GIPC2: variants seen among roughly 807,000 people sequenced by gnomAD.
GIPC2 encodes GIPC PDZ domain containing family member 2.
Under a neutral mutation model 30.6 loss-of-function variants are expected in GIPC2, and 30 were observed. The observed-to-expected ratio is 0.98, with a 90% confidence interval of 0.73 to 1.33. The LOEUF is 1.33. Ranked by LOEUF, GIPC2 falls within the 40% of genes most tolerant of loss-of-function variation. The pLI, the probability that GIPC2 is intolerant of heterozygous loss-of-function variation, is 0.00. For synonymous variants in GIPC2, 167 were observed against 150.0 expected, an observed-to-expected ratio of 1.11 and a Z score of -0.83; for missense variants, 414 against 390.3, an observed-to-expected ratio of 1.06 and a Z score of -0.51.
At chr1:78,083,391 C>G (rs971867660) in intron 2 of GIPC2, among the ~76,000 whole-genome samples, 1 of 152,158 alleles carries the variant, frequency 6.6e-6, no homozygotes, top group Non-Finnish European at 1.5e-5. Context: ...GTACATGAAA[C>G]TGGTTTGTCT....
At chr1:78,091,658 G>A in intron 2 of GIPC2, 1 of 772,516 alleles carries the variant, frequency 1.3e-6, no homozygotes. Context: ...ATGGCATATG[G>A]ATCTTATTCA....
intron 2 of GIPC2, chr1:78,091,421 C>T (rs1450410895): frequency 5.4e-6 from 3 of 553,990 alleles, no homozygotes; most frequent in Non-Finnish European, 9.8e-6. Context: ...ATAAGGCGGC[C>T]GCAGGGGCGG....
At chr1:78,130,116 T>C (rs1472775056) in intron 5 of GIPC2, among the ~76,000 whole-genome samples, 1 of 140,578 alleles carries the variant, frequency 7.1e-6, no homozygotes, top group East Asian at 3.6e-4. Flanking sequence ...TTTTTTTTTT[T>C]TTTTTCAGAC....
intron 4 of GIPC2, among the ~76,000 whole-genome samples, chr1:78,120,220 G>T (rs183805661): frequency 6.6e-6 from 1 of 152,140 alleles, no homozygotes; most frequent in Non-Finnish European, 1.5e-5. Context: ...ACCGAACTCC[G>T]TATTTCTTCT....
intron 1 of GIPC2, among the ~76,000 whole-genome samples, chr1:78,080,220 A>G (rs1231088883): frequency 2.6e-5 from 4 of 152,226 alleles, no homozygotes; most frequent in African/African-American, 9.7e-5. Flanking sequence ...CTTTGGGACT[A>G]TAACCTTTGA....
At chr1:78,074,195 T>G (rs1661671960) in intron 1 of GIPC2, among the ~76,000 whole-genome samples, 1 of 152,156 alleles carries the variant, frequency 6.6e-6, no homozygotes. Context: ...CCAGTAATAA[T>G]AATAAAAACC....
intron 1 of GIPC2, among the ~76,000 whole-genome samples, chr1:78,063,507 A>AC (rs1002289759): frequency 2.1e-4 from 32 of 151,464 alleles, no homozygotes; most frequent in East Asian, 7.8e-4. Flanking sequence ...AAACAAACAA[A>AC]AAAAAAACCA....
At chr1:78,090,028 G>A (rs943476622) in intron 2 of GIPC2, among the ~76,000 whole-genome samples, 5 of 151,618 alleles carry the variant, frequency 3.3e-5, no homozygotes, top group South Asian at 4.2e-4. Context: ...ATTTTTTTCC[G>A]AACCATTCAA....
intron 4 of GIPC2, among the ~76,000 whole-genome samples, chr1:78,123,079 A>G (rs1274679861): frequency 6.6e-6 from 1 of 151,906 alleles, no homozygotes; most frequent in African/African-American, 2.4e-5. Context: ...GGCCAATGTG[A>G]TGAAACCCCA....
intron 1 of GIPC2, among the ~76,000 whole-genome samples, chr1:78,046,633 C>T (rs904068911): frequency 1.3e-5 from 2 of 152,088 alleles, no homozygotes; most frequent in Non-Finnish European, 2.9e-5. Context: ...CCAGATGTCC[C>T]GGATTCCGCC....
chr1:78,100,522 G>C (rs1348010741), intron 3 of GIPC2, among the ~76,000 whole-genome samples: 1 of 152,170 alleles, frequency 6.6e-6, no homozygotes, highest in Non-Finnish European at 1.5e-5. Flanking sequence ...CATTCTTTGA[G>C]ATGAGGAAAG....
intron 1 of GIPC2, among the ~76,000 whole-genome samples, chr1:78,068,267 T>A (rs1302506844): frequency 6.6e-6 from 1 of 152,244 alleles, no homozygotes; most frequent in African/African-American, 2.4e-5. Context: ...TTAGAGTTAA[T>A]ATCCAACTCT....
intron 5 of GIPC2, among the ~76,000 whole-genome samples, chr1:78,132,665 A>ATGTGTGTGTGTGTGTGTGTGTGTGTG (rs61463492): frequency 3.5e-5 from 5 of 142,608 alleles, no homozygotes; most frequent in Non-Finnish European, 1.5e-5. Context: ...ATAGCCAAGG[A>ATGTGTGTGTGTGTGTGTGTGTGTGTG]TGTGTGTGTG....
At chr1:78,072,342 A>G (rs1042332055) in intron 1 of GIPC2, among the ~76,000 whole-genome samples, 18 of 152,296 alleles carry the variant, frequency 1.2e-4, no homozygotes, top group Non-Finnish European at 2.6e-4. Context: ...CAAATAAGAG[A>G]GATGAGCAGT....
chr1:78,065,710 A>G (rs2102644751), intron 1 of GIPC2, among the ~76,000 whole-genome samples: 1 of 152,312 alleles, frequency 6.6e-6, no homozygotes, highest in East Asian at 1.9e-4. Flanking sequence ...TATATAGACC[A>G]ATGGAACAAA....
At chr1:78,091,357 A>G (rs1179877325) in intron 2 of GIPC2, 1 of 478,274 alleles carries the variant, frequency 2.1e-6, no homozygotes, top group East Asian at 4.0e-5. Flanking sequence ...GATCATGGCG[A>G]CTGGACATGT....
intron 2 of GIPC2, among the ~76,000 whole-genome samples, chr1:78,086,753 C>T (rs771136243): frequency 2.0e-5 from 3 of 152,130 alleles, no homozygotes; most frequent in Non-Finnish European, 4.4e-5. Flanking sequence ...GATAGGATTG[C>T]AGCCCCTGCT....
chr1:78,108,228 T>C (rs1571514260), intron 3 of GIPC2, among the ~76,000 whole-genome samples: 1 of 152,226 alleles, frequency 6.6e-6, no homozygotes, highest in Admixed American at 6.5e-5. Context: ...CAAATTAGAG[T>C]CTAGAGGTTT....
chr1:78,076,222 A>G (rs1661714302), intron 1 of GIPC2, among the ~76,000 whole-genome samples: 1 of 152,224 alleles, frequency 6.6e-6, no homozygotes, highest in South Asian at 2.1e-4. Flanking sequence ...GAAGTTTCCA[A>G]AGGAAAATTA....
Sources: gnomAD v4.1 joint callset for allele counts (sites outside exome capture counted in the v4.1 genomes callset) on GRCh38, gnomAD v4.1.1 for gene constraint, MANE v1.5 for transcripts, NCBI Gene and HGNC (gene_info 2026-07-23, HGNC 2026-07-21) for gene names.